The following KCTD9 variants were observed in gnomAD, a reference collection of about 807,000 sequenced individuals.
The protein encoded by KCTD9 is BTB/POZ domain-containing protein KCTD9.
KCTD9 carries 17 observed loss-of-function variants against 53.3 expected under a neutral mutation model. The observed-to-expected ratio is 0.32, with a 90% CI of 0.22 to 0.48. The LOEUF (loss-of-function observed/expected upper bound fraction) is 0.48, where lower values mean the gene tolerates loss of function less well. Among genes scored for constraint, KCTD9 ranks in the 20% least tolerant of loss-of-function variants. KCTD9 has a pLI of 0.99. For synonymous variants in KCTD9, 128 were observed against 162.7 expected (o/e 0.79, Z 1.62); for missense variants, 179 against 465.5 (o/e 0.38, Z 5.66).
intron 6 of KCTD9, among the ~76,000 whole-genome samples, chr8:25,438,874 G>T (rs1802067750): frequency 6.6e-6 from 1 of 152,174 alleles, no homozygotes; most frequent in African/African-American, 2.4e-5. Context: ...GGCATGATTT[G>T]CCCTCTTGAC....
intron 6 of KCTD9, among the ~76,000 whole-genome samples, chr8:25,437,588 G>A (rs920546415): frequency 1.3e-5 from 2 of 152,090 alleles, no homozygotes; most frequent in Non-Finnish European, 2.9e-5. Flanking sequence ...TGAGGCAGGA[G>A]AATGGCGTGA....
At position 25,440,666 on chromosome 8, in the gene KCTD9, C is replaced by T; in HGVS notation, c.222G>A (p.Gln74=). 6.2e-7 allele frequency: 1 copy of T among 1,600,954 alleles called. No individual in the cohort carries two copies. Among genetic ancestry groups the T allele is most frequent in the Non-Finnish European group, 8.6e-7 (1 of 1,167,934 alleles). ...VCEGEPFIDP[Q]TDSKPPEGLL... ...ATCCCTCAGGAGGCTTAGAATCTGT[C>T]TGAGGATCTAGAGATGACATGTAGA... The change falls in exon 4 of 12, where the codon CAG becomes CAA. Residue 74 remains glutamine, a synonymous_variant. Transcript: ENST00000221200.
At chr8:25,437,248 T>G (rs1434160091) in intron 6 of KCTD9, among the ~76,000 whole-genome samples, 1 of 152,140 alleles carries the variant, frequency 6.6e-6, no homozygotes, top group Non-Finnish European at 1.5e-5. Flanking sequence ...ACTCAACATA[T>G]TATAAAAGAG....
chr8:25,458,314 T>TC lies in KCTD9; in HGVS notation c.-69dup. 1 of 1,571,552 alleles carries TC rather than the reference T, an allele frequency of 6.4e-7. No individual in the cohort carries two copies. On this transcript the variant is annotated 5_prime_UTR_variant, in exon 1 of 12. Transcript: ENST00000221200. ...ACCTGGTCCTCCTCCCACCTTTTTC[T>TC]CCTCCCGCCCTTCCCCTCCCTCCAC...
Position 25,435,356 on chromosome 8 carries a change from T to TA in KCTD9, c.813+6dup. The stretch of plus-strand genomic sequence containing the variant: ...AATTTTCTCTTGTAGCCTAAAATGA[T>TA]ACTTACGTCAAGCACTGATCCAGAG... On this transcript the variant is annotated splice_region_variant and intron_variant, in intron 9 of 11. Transcript: ENST00000221200. 1.9e-6 allele frequency: 3 copies of TA among 1,559,120 alleles called. No individual in the cohort carries two copies. Among genetic ancestry groups the TA allele is most frequent in the Non-Finnish European group, 1.7e-6 (2 of 1,153,690 alleles).
At chr8:25,437,891 G>GAAT (rs1168813289) in intron 6 of KCTD9, among the ~76,000 whole-genome samples, 2 of 132,310 alleles carry the variant, frequency 1.5e-5, no homozygotes, top group Non-Finnish European at 3.2e-5. Context: ...ATCTGGATTT[G>GAAT]AATCCCAGCT....
intron 3 of KCTD9, among the ~76,000 whole-genome samples, chr8:25,443,405 T>C (rs1391113594): frequency 6.6e-6 from 1 of 152,182 alleles, no homozygotes; most frequent in Non-Finnish European, 1.5e-5. Context: ...TAAGACCATC[T>C]GAACATCAAT....
At position 25,429,521 on chromosome 8, in the gene KCTD9, G is replaced by C. The variant is rs1801890626; in HGVS notation, c.*336C>G. 1 of 166,538 alleles carries C rather than the reference G, an allele frequency of 6.0e-6. No homozygotes were observed. Among genetic ancestry groups the C allele is most frequent in the Non-Finnish European group, 1.3e-5 (1 of 77,132 alleles). The allele number at this position is 166,538 out of a possible 1,614,324, so 10.3% of individuals were successfully genotyped here. On this transcript the variant is annotated 3_prime_UTR_variant, in exon 12 of 12. Coordinates refer to ENST00000221200, the MANE Select transcript of KCTD9 (RefSeq NM_017634.4). The stretch of plus-strand genomic sequence containing the variant: ...AATCCTCAAATGCATCTCAAACCAA[G>C]ATGGTATTTCCACATCATGCCTATT...
At chr8:25,436,072 G>A (rs191411266) in intron 8 of KCTD9, among the ~76,000 whole-genome samples, 163 bp downstream of exon 8, 6 of 152,098 alleles carry the variant, frequency 3.9e-5, no homozygotes, top group Admixed American at 2.0e-4. Context: ...TCTCTTTTTC[G>A]TTAACCATTT....
chr8:25,450,950 TA>T (rs1802308197), intron 1 of KCTD9, among the ~76,000 whole-genome samples: 1 of 152,248 alleles, frequency 6.6e-6, no homozygotes, highest in Non-Finnish European at 1.5e-5. Context: ...ATCAGGCAGT[TA>T]ACAATTTCCT....
rs751168687 is a variant in KCTD9 at position 25,458,193 on chromosome 8, C to T, written c.48+6G>A. 3 of 1,606,130 alleles carry T rather than the reference C, an allele frequency of 1.9e-6. No homozygotes were observed. The highest frequency in any genetic ancestry group is 4.5e-5 in the East Asian group (2 of 44,784). Reference sequence around the variant, plus strand: ...GGCCCGCCGCGCCCCCTCACGCCCCCGTTACCTTTCCGTTCTTGGGGCTGC... The same window carrying T: ...GGCCCGCCGCGCCCCCTCACGCCCCTGTTACCTTTCCGTTCTTGGGGCTGC... On this transcript the variant is annotated splice_donor_region_variant and intron_variant, in intron 1 of 11. Transcript: ENST00000221200.
At chr8:25,441,497 G>A (rs763059815) in intron 3 of KCTD9, among the ~76,000 whole-genome samples, 3 of 151,968 alleles carry the variant, frequency 2.0e-5, no homozygotes, top group Non-Finnish European at 2.9e-5. Flanking sequence ...TCCAAAACAT[G>A]CTAAAAGAAG....
intron 10 of KCTD9, 86 bp from the exon 11 acceptor site, chr8:25,432,723 C>G: frequency 1.7e-6 from 2 of 1,189,708 alleles, no homozygotes; most frequent in Non-Finnish European, 2.4e-6. Context: ...TTAATGGAGG[C>G]CTCTTTTAAC....
At chr8:25,430,283 T>C (rs190612474) in intron 11 of KCTD9, among the ~76,000 whole-genome samples, 32 of 152,304 alleles carry the variant, frequency 2.1e-4, no homozygotes, top group Non-Finnish European at 4.4e-4. Context: ...GGCCACAGAC[T>C]GATACTGGTC....
At chr8:25,450,734 C>T (rs1184042402) in intron 1 of KCTD9, 1 of 27,162 alleles carries the variant, frequency 3.7e-5, no homozygotes, top group Non-Finnish European at 6.7e-5. Flanking sequence ...CCTCGTGATC[C>T]AACCGCCTCA....
chr8:25,455,428 T>G (rs992985630), intron 1 of KCTD9, among the ~76,000 whole-genome samples: 1 of 152,126 alleles, frequency 6.6e-6, no homozygotes. Context: ...AGGCTGATTA[T>G]TAATAGCAAT....
Position 25,458,189 on chromosome 8 carries a change from C to T in KCTD9, c.48+10G>A. On this transcript the variant is annotated intron_variant, in intron 1 of 11. Transcript: ENST00000221200. ...CCCCGGCCCGCCGCGCCCCCTCACG[C>T]CCCCGTTACCTTTCCGTTCTTGGGG... is the stretch of plus-strand genomic sequence containing the variant. The T allele has an allele frequency of 1.9e-6, 3 of 1,603,852 alleles. No individual in the cohort carries two copies. Among genetic ancestry groups the T allele is most frequent in the Non-Finnish European group, 1.7e-6 (2 of 1,175,406 alleles).
At chr8:25,450,471 A>G in intron 1 of KCTD9, 2 of 981,308 alleles carry the variant, frequency 2.0e-6, no homozygotes, top group Non-Finnish European at 2.4e-6. Context: ...TATTCATTTA[A>G]GTCTCTTACA....
At chr8:25,454,403 C>T (rs1389125468) in intron 1 of KCTD9, among the ~76,000 whole-genome samples, 1 of 152,052 alleles carries the variant, frequency 6.6e-6, no homozygotes, top group Non-Finnish European at 1.5e-5. Flanking sequence ...TTGCACAGCT[C>T]ATTATTGAAT....
Sources: gnomAD v4.1 joint callset for allele counts (sites outside exome capture counted in the v4.1 genomes callset) on GRCh38, gnomAD v4.1.1 for gene constraint, MANE v1.5 for transcripts, NCBI Gene and HGNC (gene_info 2026-07-23, HGNC 2026-07-21) for gene names.